LAMC1: variants seen among roughly 807,000 people sequenced by gnomAD.
LAMC1 encodes laminin subunit gamma-1.
In LAMC1, 38 loss-of-function variants were observed where a neutral mutation model predicts 173.6. The ratio of observed to expected loss-of-function variants is 0.22; its 90% CI spans 0.17 to 0.29. The LOEUF is 0.29. Among genes scored for constraint, LAMC1 ranks in the 10% least tolerant of loss-of-function variants. LAMC1 has a pLI of 1.00. For missense variants in LAMC1, 1,824 were observed against 2,051.8 expected (o/e 0.89, Z 2.14); for synonymous variants, 746 against 749.1 (o/e 1.00, Z 0.07).
chr1:183,095,568 G>A (rs1330912475), intron 1 of LAMC1, among the ~76,000 whole-genome samples: 2 of 152,056 alleles, frequency 1.3e-5, no homozygotes, highest in African/African-American at 2.4e-5. Flanking sequence ...TTGTGACTCC[G>A]TTAAATCTCA....
rs1656488153 is a variant in LAMC1, at chr1:183,121,963, G to A, written c.2212+19G>A. Reference sequence around the variant, plus strand: ...GAGACAGGTGAGATGATCTTTGGCAGCTCTTAGACCTAACTTCTCTTTAGC... The same window carrying A: ...GAGACAGGTGAGATGATCTTTGGCAACTCTTAGACCTAACTTCTCTTTAGC... On this transcript the variant is annotated intron_variant, in intron 12 of 27. Transcript: ENST00000258341. 6.2e-7 allele frequency: 1 copy of A among 1,612,132 alleles called. No homozygotes were observed. Among genetic ancestry groups the A allele is most frequent in the African/African-American group, 1.3e-5 (1 of 75,014 alleles).
At chr1:183,100,067 C>T (rs1319392718) in intron 1 of LAMC1, among the ~76,000 whole-genome samples, 1 of 152,176 alleles carries the variant, frequency 6.6e-6, no homozygotes, top group Admixed American at 6.5e-5. Context: ...AAACAGGGTA[C>T]TAACAGCGAC....
intron 1 of LAMC1, among the ~76,000 whole-genome samples, chr1:183,073,216 T>C (rs1019350430): frequency 6.6e-6 from 1 of 152,294 alleles, no homozygotes; most frequent in East Asian, 1.9e-4. Flanking sequence ...TACTTCTGTC[T>C]CTGGTGATAT....
Position 183,023,820 on chromosome 1 carries a change from C to T in LAMC1, c.104C>T (p.Ala35Val), listed in dbSNP as rs1299610144. ...AAAAAAGCAQ[A>V]AMDECTDEGG... ...GCCGCCGCGGCGGGCTGTGCCCAGG[C>T]AGCCATGGACGAGTGCACGGACGAG... Residue 35 changes from alanine to valine, a missense_variant, in exon 1 of 28, where the codon GCA (alanine) becomes GTA (valine). Coordinates refer to ENST00000258341, the MANE Select transcript of LAMC1 (RefSeq NM_002293.4). The T allele has an allele frequency of 7.0e-6, 11 of 1,570,878 alleles. No homozygotes were observed. Among genetic ancestry groups the T allele is most frequent in the South Asian group, 1.2e-5 (1 of 84,290 alleles).
At chr1:183,065,155 G>A (rs1230632004) in intron 1 of LAMC1, among the ~76,000 whole-genome samples, 1 of 151,966 alleles carries the variant, frequency 6.6e-6, no homozygotes, top group Non-Finnish European at 1.5e-5. Context: ...ATCTAAACAT[G>A]CCAAAAGATA....
Position 183,142,613 on chromosome 1 carries a change from C to A in LAMC1, c.4653C>A (p.Val1551=). The change falls in exon 28 of 28, where the codon GTC becomes GTA. Residue 1551 remains valine (V), a synonymous_variant. Coordinates refer to ENST00000258341, the MANE Select transcript of LAMC1 (RefSeq NM_002293.4). The part of the protein sequence containing the change: ...TLNKAKDEMK[V]SDLDRKVSDL... The stretch of plus-strand genomic sequence containing the variant: ...ACAAAGCCAAAGATGAAATGAAGGT[C>A]AGCGATCTTGATAGGAAAGTGTCTG... The A allele has an allele frequency of 1.9e-6, 3 of 1,614,094 alleles. No individual in the cohort carries two copies. Among genetic ancestry groups the A allele is most frequent in the East Asian group, 2.2e-5 (1 of 44,882 alleles).
In LAMC1 at chr1:183,122,239, A is replaced by T; in HGVS notation, c.2389A>T (p.Thr797Ser). The T allele has an allele frequency of 6.2e-7, 1 of 1,614,032 alleles. No homozygotes were observed. Among genetic ancestry groups the T allele is most frequent in the Non-Finnish European group, 8.5e-7 (1 of 1,179,956 alleles). ...GGAGGTGGTGTGCACCAACTGTCCT[A>T]CTGGCACCACTGGTAAGTCTGCTCG... ...TKEVVCTNCP[T>S]GTTGKRCELC... Residue 797 changes from threonine to serine, a missense_variant, in exon 13 of 28, where the codon ACT becomes TCT. Thr to Ser is a moderately conservative substitution (Grantham distance 58). Coordinates refer to ENST00000258341, the MANE Select transcript of LAMC1 (RefSeq NM_002293.4).
At chr1:183,075,583 AAT>A (rs1655104835) in intron 1 of LAMC1, among the ~76,000 whole-genome samples, 1 of 152,206 alleles carries the variant, frequency 6.6e-6, no homozygotes, top group Non-Finnish European at 1.5e-5. Context: ...ATGGTATAGT[AAT>A]ATATGTATTA....
At chr1:183,039,589 C>T (rs1654072645) in intron 1 of LAMC1, among the ~76,000 whole-genome samples, 1 of 152,098 alleles carries the variant, frequency 6.6e-6, no homozygotes, top group African/African-American at 2.4e-5. Flanking sequence ...TTATTGTTTT[C>T]AGCATTTTTG....
chr1:183,070,779 G>A (rs78753451), intron 1 of LAMC1, among the ~76,000 whole-genome samples: 3,419 of 151,954 alleles, frequency 0.023, 119 homozygotes, highest in African/African-American at 0.076. Context: ...TGTCAACCTC[G>A]GCAAATTTCT....
chr1:183,083,673 T>A (rs942200161), intron 1 of LAMC1, among the ~76,000 whole-genome samples: 4 of 152,210 alleles, frequency 2.6e-5, no homozygotes, highest in African/African-American at 9.6e-5. Context: ...ATAGGTGAAA[T>A]AATCAGATGT....
intron 15 of LAMC1, 85 bp downstream of exon 15, chr1:183,125,635 A>C: frequency 9.5e-7 from 1 of 1,058,132 alleles, no homozygotes; most frequent in Non-Finnish European, 1.4e-6. Flanking sequence ...TTAATAATTG[A>C]CTGTTCAGAA....
intron 24 of LAMC1, 71 bp from the exon 25 acceptor site, chr1:183,136,315 G>A (rs1656938838): frequency 7.5e-7 from 1 of 1,330,804 alleles, no homozygotes; most frequent in Non-Finnish European, 1.1e-6. Context: ...AAATCCAGTT[G>A]GAACTCCCTG....
intron 20 of LAMC1, 86 bp downstream of exon 20, chr1:183,131,464 G>GTGTGTGTGTGT: frequency 1.1e-5 from 3 of 262,718 alleles, no homozygotes; most frequent in East Asian, 1.1e-4. Context: ...TGTGTGTATT[G>GTGTGTGTGTGT]TCTTATCCCA....
intron 1 of LAMC1, among the ~76,000 whole-genome samples, chr1:183,079,232 GTTTTTTTTTTTTTTTTTT>G (rs796732672): frequency 6.2e-4 from 39 of 62,834 alleles, no homozygotes; most frequent in Middle Eastern, 0.013. Context: ...CTCTAATCTG[GTTTTTTTTTTTTTTTTTT>G]TTTTTTTTTT....
At chr1:183,041,207 G>A (rs1654122780) in intron 1 of LAMC1, among the ~76,000 whole-genome samples, 1 of 152,174 alleles carries the variant, frequency 6.6e-6, no homozygotes, top group Admixed American at 6.5e-5. Context: ...TTAATTAATG[G>A]AAGTGATAGT....
intron 1 of LAMC1, among the ~76,000 whole-genome samples, chr1:183,090,070 TTC>T (rs1655526690): frequency 6.6e-6 from 1 of 152,224 alleles, no homozygotes; most frequent in Non-Finnish European, 1.5e-5. Context: ...TTTGTTCTGT[TTC>T]TGCTTTTCTC....
chr1:183,098,178 C>G (rs1014233069), intron 1 of LAMC1, among the ~76,000 whole-genome samples: 1 of 152,118 alleles, frequency 6.6e-6, no homozygotes, highest in Non-Finnish European at 1.5e-5. Flanking sequence ...TTAACTGGAT[C>G]TTCTTACTTT....
At chr1:183,117,858 C>A in intron 10 of LAMC1, 135 bp downstream of exon 10, 4 of 840,214 alleles carry the variant, frequency 4.8e-6, no homozygotes, top group Non-Finnish European at 7.4e-6. Context: ...TAAAAGGGAG[C>A]CTTCCTTTCT....
Sources: allele counts gnomAD v4.1 joint callset (sites outside exome capture counted in the v4.1 genomes callset), GRCh38; gene constraint gnomAD v4.1.1; transcripts MANE v1.5; gene names NCBI Gene and HGNC (gene_info 2026-07-23, HGNC 2026-07-21).